Variants in GPC5 observed in about 807,000 individuals in gnomAD.
GPC5 encodes the protein glypican 5, also known as glypican-5.
GPC5 carries 47 observed loss-of-function variants against 53.9 expected under a neutral mutation model. The ratio of observed to expected loss-of-function variants is 0.87; its 90% CI spans 0.69 to 1.11. GPC5 has a LOEUF of 1.11. Ranked by LOEUF, GPC5 falls within the 50% of genes most tolerant of loss-of-function variation. The probability of loss-of-function intolerance (pLI) is 0.00; values close to 1 mark genes in which losing one functional copy is unlikely to be tolerated. For synonymous variants in GPC5, 286 were observed against 263.3 expected (o/e 1.09, Z -0.84); for missense variants, 748 against 713.1 (o/e 1.05, Z -0.56).
At chr13:91,565,298 A>G (rs2031479378) in intron 2 of GPC5, among the ~76,000 whole-genome samples, 1 of 152,062 alleles carries the variant, frequency 6.6e-6, no homozygotes, top group African/African-American at 2.4e-5. Flanking sequence ...CCAAATATTT[A>G]TATTTCAGTG....
chr13:91,994,368 C>T (rs922300274), intron 6 of GPC5: 5 of 152,148 alleles, frequency 3.3e-5, no homozygotes, highest in African/African-American at 7.2e-5. Flanking sequence ...TTGTTGAAGG[C>T]ATCAAAGAAG....
chr13:91,576,917 T>C (rs1196419008), intron 2 of GPC5, among the ~76,000 whole-genome samples: 1 of 143,054 alleles, frequency 7.0e-6, no homozygotes, highest in East Asian at 2.0e-4. Context: ...ATATTTAGCT[T>C]CTGGTTCATC....
chr13:92,033,411 CT>C (rs2040869308), intron 6 of GPC5, among the ~76,000 whole-genome samples: 1 of 152,100 alleles, frequency 6.6e-6, no homozygotes. Flanking sequence ...ACAAAGTACT[CT>C]CATTAGACCT....
intron 2 of GPC5, among the ~76,000 whole-genome samples, chr13:91,505,029 T>C (rs1380509671): frequency 6.6e-6 from 1 of 152,196 alleles, no homozygotes; most frequent in Non-Finnish European, 1.5e-5. Context: ...TCACATGGTT[T>C]CATAGGAATA....
chr13:91,542,900 A>C (rs1594230956), intron 2 of GPC5, among the ~76,000 whole-genome samples: 1 of 125,624 alleles, frequency 8.0e-6, no homozygotes, highest in Non-Finnish European at 1.6e-5. Flanking sequence ...TCTGTCGCCC[A>C]GGCTGGAGTG....
At chr13:91,482,455 T>G (rs1883358860) in intron 2 of GPC5, among the ~76,000 whole-genome samples, 1 of 152,148 alleles carries the variant, frequency 6.6e-6, no homozygotes, top group African/African-American at 2.4e-5. Context: ...TGGACTAAGA[T>G]AGAGGAGACA....
chr13:92,145,952 CA>C (rs2041864008), intron 7 of GPC5, among the ~76,000 whole-genome samples: 1 of 152,006 alleles, frequency 6.6e-6, no homozygotes, highest in East Asian at 1.9e-4. Flanking sequence ...TAAATGCTTC[CA>C]AAATCAATTC....
intron 3 of GPC5, among the ~76,000 whole-genome samples, chr13:91,714,702 A>T (rs1471849008): frequency 6.6e-6 from 1 of 152,002 alleles, no homozygotes; most frequent in African/African-American, 2.4e-5. Flanking sequence ...AATAGGGAGG[A>T]TAGGAGTTAG....
chr13:91,436,534 G>C (rs1357025811), intron 1 of GPC5, among the ~76,000 whole-genome samples: 1 of 152,176 alleles, frequency 6.6e-6, no homozygotes, highest in African/African-American at 2.4e-5. Flanking sequence ...TAGTTTGATT[G>C]CACTGTGGTC....
chr13:91,421,049 A>T (rs990373040), intron 1 of GPC5, among the ~76,000 whole-genome samples: 34 of 152,370 alleles, frequency 2.2e-4, no homozygotes, highest in African/African-American at 7.7e-4. Context: ...CTTGGAAATC[A>T]ACTCATGAGC....
intron 2 of GPC5, among the ~76,000 whole-genome samples, chr13:91,492,657 C>A (rs527437168): frequency 2.6e-5 from 4 of 152,326 alleles, no homozygotes; most frequent in Admixed American, 2.0e-4. Context: ...ATGCTAAAAT[C>A]TGCCAGAAAT....
At chr13:92,556,397 T>C (rs1322884805) in intron 7 of GPC5, among the ~76,000 whole-genome samples, 1 of 151,816 alleles carries the variant, frequency 6.6e-6, no homozygotes. Flanking sequence ...AGTACTAGTC[T>C]TTTCTATATA....
intron 7 of GPC5, among the ~76,000 whole-genome samples, chr13:92,713,319 G>A (rs1366590916): frequency 2.0e-5 from 3 of 151,844 alleles, no homozygotes; most frequent in Non-Finnish European, 4.4e-5. Flanking sequence ...CTGGCCGGGT[G>A]TGGTGGCTCA....
chr13:91,566,115 C>T (rs747796086), intron 2 of GPC5, among the ~76,000 whole-genome samples: 22 of 152,106 alleles, frequency 1.4e-4, no homozygotes, highest in Admixed American at 2.6e-4. Flanking sequence ...TTCCCACACA[C>T]GGTCACATGT....
At chr13:92,133,485 C>A (rs1183750369) in intron 6 of GPC5, among the ~76,000 whole-genome samples, 1 of 152,090 alleles carries the variant, frequency 6.6e-6, no homozygotes, top group Non-Finnish European at 1.5e-5. Flanking sequence ...GTTGCCAAAA[C>A]CAAGTTTTAA....
At chr13:91,778,666 C>T (rs207474226) in intron 5 of GPC5, among the ~76,000 whole-genome samples, 1 of 152,230 alleles carries the variant, frequency 6.6e-6, no homozygotes, top group Non-Finnish European at 1.5e-5. Flanking sequence ...CAAGGTCTAG[C>T]ATCTACCTGT....
chr13:92,308,518 G>A (rs1443790703), intron 7 of GPC5, among the ~76,000 whole-genome samples: 1 of 152,142 alleles, frequency 6.6e-6, no homozygotes. Flanking sequence ...ATGCATTCCA[G>A]TTGGAGAAAC....
intron 6 of GPC5, among the ~76,000 whole-genome samples, chr13:92,094,091 G>GT (rs1178891891): frequency 6.6e-6 from 1 of 152,086 alleles, no homozygotes; most frequent in African/African-American, 2.4e-5. Context: ...ATTAGATACT[G>GT]TTTTTAATGA....
chr13:91,588,845 T>C (rs2032694158), intron 2 of GPC5, among the ~76,000 whole-genome samples: 2 of 152,158 alleles, frequency 1.3e-5, no homozygotes, highest in South Asian at 4.1e-4. Context: ...AGGCTAAAAA[T>C]TTGACCTGGC....
Sources: gnomAD v4.1 joint callset for allele counts (sites outside exome capture counted in the v4.1 genomes callset) on GRCh38, gnomAD v4.1.1 for gene constraint, MANE v1.5 for transcripts, NCBI Gene and HGNC (gene_info 2026-07-23, HGNC 2026-07-21) for gene names.